Variants in MARCHF11 observed in about 807,000 individuals in gnomAD.
The protein encoded by MARCHF11 is E3 ubiquitin-protein ligase MARCHF11.
A neutral mutation model predicts 37.3 loss-of-function variants in MARCHF11; 29 were observed. That is an observed-to-expected ratio of 0.78 (90% CI 0.58 to 1.06). The LOEUF (loss-of-function observed/expected upper bound fraction) is 1.06. Ranked by LOEUF, MARCHF11 falls within the 50% of genes least tolerant of loss-of-function variation. The pLI is 0.00. For synonymous variants in MARCHF11, 233 were observed against 228.0 expected, an observed-to-expected ratio of 1.02 and a Z score of -0.20; for missense variants, 482 against 533.4, an observed-to-expected ratio of 0.90 and a Z score of 0.95.
At chr5:16,094,233 C>T (rs1198648028) in intron 2 of MARCHF11, among the ~76,000 whole-genome samples, 1 of 152,142 alleles carries the variant, frequency 6.6e-6, no homozygotes, top group East Asian at 1.9e-4. Flanking sequence ...ATTCTGCCTT[C>T]GACCAGTAGA....
chr5:16,149,753 G>A (rs1000332221), intron 2 of MARCHF11, among the ~76,000 whole-genome samples: 2 of 152,024 alleles, frequency 1.3e-5, no homozygotes, highest in African/African-American at 4.8e-5. Flanking sequence ...TGAACAACAT[G>A]CCCTGAGAAG....
intron 2 of MARCHF11, among the ~76,000 whole-genome samples, chr5:16,125,696 A>G (rs1358391539): frequency 6.6e-6 from 1 of 151,442 alleles, no homozygotes; most frequent in Non-Finnish European, 1.5e-5. Context: ...CTTTATTACA[A>G]TATCAAAGGG....
intron 2 of MARCHF11, among the ~76,000 whole-genome samples, chr5:16,145,694 A>G (rs1227637774): frequency 6.6e-6 from 1 of 152,130 alleles, no homozygotes; most frequent in African/African-American, 2.4e-5. Flanking sequence ...CTGGAAAAAT[A>G]TAAATAAACA....
intron 2 of MARCHF11, among the ~76,000 whole-genome samples, chr5:16,168,710 C>G (rs371711528): frequency 1.1e-4 from 16 of 152,062 alleles, no homozygotes; most frequent in South Asian, 2.1e-4. Context: ...CCCACCTACT[C>G]ATTCCCACAC....
At chr5:16,097,087 A>C (rs1736881045) in intron 2 of MARCHF11, among the ~76,000 whole-genome samples, 1 of 152,206 alleles carries the variant, frequency 6.6e-6, no homozygotes, top group Admixed American at 6.5e-5. Context: ...ACAGTGTCAC[A>C]GGAGAGAACA....
intron 2 of MARCHF11, among the ~76,000 whole-genome samples, chr5:16,123,352 CAGG>C (rs1021438264): frequency 1.3e-5 from 2 of 152,084 alleles, no homozygotes; most frequent in Non-Finnish European, 2.9e-5. Context: ...CGTGAAAACC[CAGG>C]AGGACAGCCA....
chr5:16,100,001 G>T (rs1736929754), intron 2 of MARCHF11, among the ~76,000 whole-genome samples: 1 of 152,086 alleles, frequency 6.6e-6, no homozygotes, highest in Admixed American at 6.5e-5. Context: ...AATCCCAGGG[G>T]GTTTGAAGGG....
At chr5:16,106,456 G>C (rs1737041777) in intron 2 of MARCHF11, among the ~76,000 whole-genome samples, 1 of 152,210 alleles carries the variant, frequency 6.6e-6, no homozygotes. Context: ...GGATGTCTGA[G>C]TTCTGTGACT....
chr5:16,075,775 A>T (rs1342494678), intron 3 of MARCHF11, among the ~76,000 whole-genome samples: 1 of 152,208 alleles, frequency 6.6e-6, no homozygotes, highest in Non-Finnish European at 1.5e-5. Flanking sequence ...GAGATTGGAA[A>T]AGAGTTTAGG....
chr5:16,153,124 G>C (rs1335642130), intron 2 of MARCHF11, among the ~76,000 whole-genome samples: 1 of 151,914 alleles, frequency 6.6e-6, no homozygotes, highest in Non-Finnish European at 1.5e-5. Context: ...AAAAGGTAAG[G>C]GTCATGGACA....
intron 3 of MARCHF11, among the ~76,000 whole-genome samples, chr5:16,083,487 T>C (rs897139182): frequency 6.6e-6 from 1 of 152,202 alleles, no homozygotes; most frequent in Non-Finnish European, 1.5e-5. Flanking sequence ...AATTACACTT[T>C]CAAGCATGCT....
At chr5:16,094,371 C>T (rs1579682876) in intron 2 of MARCHF11, among the ~76,000 whole-genome samples, 1 of 152,160 alleles carries the variant, frequency 6.6e-6, no homozygotes, top group East Asian at 1.9e-4. Flanking sequence ...TGGGACTTCT[C>T]TCTCTATCCC....
In MARCHF11 at chr5:16,163,198, C is replaced by T. The variant is rs368171192; in HGVS notation, c.693+14528G>A. ...TGACTATGAATGGCAATAAGAACTCCGGTTTACTAGAAAAGAACAGGTTTC... is the reference window on the plus strand; with the variant it reads ...TGACTATGAATGGCAATAAGAACTCTGGTTTACTAGAAAAGAACAGGTTTC... On this transcript the variant is annotated intron_variant, in intron 2 of 3. Coordinates refer to ENST00000332432, the MANE Select transcript of MARCHF11 (RefSeq NM_001102562.3). 3.9e-3 allele frequency among the ~76,000 whole-genome samples: 594 copies of T among 151,934 alleles called. 3 individuals carry two copies. Among genetic ancestry groups the T allele is most frequent in the African/African-American group, 0.013 (548 of 41,452 alleles).
intron 2 of MARCHF11, among the ~76,000 whole-genome samples, chr5:16,151,982 G>T (rs1579414576): frequency 6.6e-6 from 1 of 151,802 alleles, no homozygotes; most frequent in African/African-American, 2.4e-5. Context: ...TTCCTAATTT[G>T]GTTAGCTAGC....
intron 2 of MARCHF11, among the ~76,000 whole-genome samples, chr5:16,151,635 C>A (rs1160235698): frequency 9.3e-6 from 1 of 108,010 alleles, no homozygotes; most frequent in Non-Finnish European, 1.9e-5. Flanking sequence ...TGTGTGTGTG[C>A]ATGCGTGAGT....
intron 2 of MARCHF11, among the ~76,000 whole-genome samples, chr5:16,108,286 CT>C (rs2126568333): frequency 6.6e-6 from 1 of 152,308 alleles, no homozygotes; most frequent in East Asian, 1.9e-4. Context: ...GCTCCAACAC[CT>C]GCCTGTCTGC....
At chr5:16,088,809 C>T (rs1431743522) in intron 3 of MARCHF11, among the ~76,000 whole-genome samples, 2 of 151,982 alleles carry the variant, frequency 1.3e-5, no homozygotes, top group Non-Finnish European at 2.9e-5. Flanking sequence ...TGAGCCAAAA[C>T]ACAATGAAAA....
At chr5:16,156,698 T>C (rs1394468521) in intron 2 of MARCHF11, among the ~76,000 whole-genome samples, 1 of 151,916 alleles carries the variant, frequency 6.6e-6, no homozygotes, top group Non-Finnish European at 1.5e-5. Flanking sequence ...AAATGTGTCA[T>C]TAAGTGATTT....
intron 3 of MARCHF11, 51 bp from the exon 4 acceptor site, chr5:16,067,844 T>C (rs1736376238): frequency 6.7e-7 from 1 of 1,498,958 alleles, no homozygotes; most frequent in African/African-American, 1.4e-5. Context: ...AATCCAAGGC[T>C]GGGAGTGTTA....
Sources: allele counts gnomAD v4.1 joint callset (sites outside exome capture counted in the v4.1 genomes callset), GRCh38; gene constraint gnomAD v4.1.1; transcripts MANE v1.5; gene names NCBI Gene and HGNC (gene_info 2026-07-23, HGNC 2026-07-21).